SARNP: variants seen among roughly 807,000 people sequenced by gnomAD.
SARNP encodes the protein SAP domain containing ribonucleoprotein, also known as SAP domain-containing ribonucleoprotein.
Under a neutral mutation model 38.1 loss-of-function variants are expected in SARNP, and 5 were observed. That is an observed-to-expected ratio of 0.13 (90% CI 0.07 to 0.28). The LOEUF (loss-of-function observed/expected upper bound fraction) is 0.28. Among genes scored for constraint, SARNP ranks in the 10% least tolerant of loss-of-function variants. The pLI is 1.00. For missense variants in SARNP, 180 were observed against 243.9 expected, an observed-to-expected ratio of 0.74 and a Z score of 1.75; for synonymous variants, 84 against 80.6, an observed-to-expected ratio of 1.04 and a Z score of -0.23.
intron 1 of SARNP, among the ~76,000 whole-genome samples, chr12:55,807,813 CAAA>C (rs57965695): frequency 4.5e-5 from 4 of 89,704 alleles, no homozygotes; most frequent in African/African-American, 3.5e-5. Flanking sequence ...GACTTTGTCT[CAAA>C]AAAAAAAAAA....
chr12:55,801,048 G>A lies in SARNP; in HGVS notation c.137-148C>T, dbSNP rs77215495. On this transcript the variant is annotated intron_variant, in intron 2 of 10. Coordinates refer to ENST00000336133, the MANE Select transcript of SARNP (RefSeq NM_033082.4). ...ATGCACATAAAATCTGCTACATCTG[G>A]AGAAGATAAAACCAGATTTCTACCT... The A allele has an allele frequency of 3.8e-4, 253 of 670,804 alleles. 1 individual carries two copies. The African/African-American group carries it at 4.1e-3, about 11-fold the overall frequency. 41.6% of individuals were successfully genotyped at this position (670,804 alleles called of 1,614,324 possible).
intron 1 of SARNP, among the ~76,000 whole-genome samples, chr12:55,804,035 A>C (rs1012508914): frequency 2.0e-5 from 3 of 152,218 alleles, no homozygotes; most frequent in African/African-American, 7.2e-5. Flanking sequence ...TGAGGGGGGA[A>C]AAAGGTTTTT....
At chr12:55,766,651 C>T (rs1345368677) in intron 9 of SARNP, among the ~76,000 whole-genome samples, 10 of 114,396 alleles carry the variant, frequency 8.7e-5, no homozygotes, top group Non-Finnish European at 1.5e-4. Flanking sequence ...TTGAGACAGT[C>T]TCACTCTGTC....
chr12:55,806,037 CAAA>C (rs1192118341), intron 1 of SARNP, among the ~76,000 whole-genome samples: 1 of 107,738 alleles, frequency 9.3e-6, no homozygotes. Flanking sequence ...AATTCTGTCT[CAAA>C]AAAAAAAAAA....
chr12:55,763,505 G>A (rs902214458), intron 9 of SARNP, among the ~76,000 whole-genome samples: 5 of 152,124 alleles, frequency 3.3e-5, no homozygotes, highest in South Asian at 2.1e-4. Context: ...ATGGGGTTTC[G>A]CCACGTTAGC....
intron 4 of SARNP, among the ~76,000 whole-genome samples, chr12:55,797,822 G>A (rs1222762151): frequency 4.6e-5 from 7 of 152,096 alleles, no homozygotes; most frequent in Admixed American, 4.6e-4. Flanking sequence ...CTGAAATACA[G>A]AGACCCAGAA....
chr12:55,800,704 T>C, intron 3 of SARNP, 75 bp from the exon 4 acceptor site: 1 of 1,364,480 alleles, frequency 7.3e-7, no homozygotes, highest in Admixed American at 1.8e-5. Context: ...ACATCAGAAC[T>C]CCAAAATAAA....
At chr12:55,781,614 G>T (rs1185676628) in intron 9 of SARNP, among the ~76,000 whole-genome samples, 2 of 151,938 alleles carry the variant, frequency 1.3e-5, no homozygotes, top group African/African-American at 2.4e-5. Flanking sequence ...CTGTGAAGTG[G>T]TTCATCTCCT....
At position 55,804,229 on chromosome 12, in the gene SARNP, A is replaced by G. The variant is rs142900207; in HGVS notation, c.37-501T>C. Reference sequence around the variant, plus strand: ...GGTAGATGCATTAGCTAATGTGAACAATGAATTGATTAAAGGATCTGTGTC... The same window carrying G: ...GGTAGATGCATTAGCTAATGTGAACGATGAATTGATTAAAGGATCTGTGTC... On this transcript the variant is annotated intron_variant, in intron 1 of 10. Transcript: ENST00000336133. Among the ~76,000 whole-genome samples, 1,050 of 152,316 alleles carry G rather than the reference A, an allele frequency of 6.9e-3. 14 individuals are homozygous for G. Among genetic ancestry groups the G allele is most frequent in the African/African-American group, 0.024 (991 of 41,570 alleles).
At chr12:55,815,606 G>A (rs1043350276) in intron 1 of SARNP, among the ~76,000 whole-genome samples, 2 of 152,148 alleles carry the variant, frequency 1.3e-5, no homozygotes, top group African/African-American at 4.8e-5. Flanking sequence ...TGGGACTACA[G>A]GCACTTGCCA....
chr12:55,800,903 A>G lies in SARNP; in HGVS notation c.137-3T>C. 6.2e-7 allele frequency: 1 copy of G among 1,610,818 alleles called. No homozygotes were observed. The highest frequency in any genetic ancestry group is 8.5e-7 in the Non-Finnish European group (1 of 1,177,132). Reference sequence around the variant, plus strand: ...TTCTTCATTTGCCTCCTCTTCAGCTAAAGAATATTAAAATATTCAGGTCAA... The same window carrying G: ...TTCTTCATTTGCCTCCTCTTCAGCTGAAGAATATTAAAATATTCAGGTCAA... On this transcript the variant is annotated splice_region_variant and splice_polypyrimidine_tract_variant and intron_variant, in intron 2 of 10. Coordinates refer to ENST00000336133, the MANE Select transcript of SARNP (RefSeq NM_033082.4).
intron 9 of SARNP, among the ~76,000 whole-genome samples, chr12:55,783,200 GA>G (rs1879389757): frequency 2.7e-5 from 4 of 148,614 alleles, no homozygotes; most frequent in Admixed American, 2.1e-4. Context: ...GGAGGCATGG[GA>G]AACAGATAGA....
intron 5 of SARNP, among the ~76,000 whole-genome samples, chr12:55,795,805 T>C (rs971995066): frequency 6.6e-6 from 1 of 152,180 alleles, no homozygotes; most frequent in African/African-American, 2.4e-5. Flanking sequence ...GTTAAGACCA[T>C]AATATTACAT....
At chr12:55,766,691 C>T (rs1314707681) in intron 9 of SARNP, among the ~76,000 whole-genome samples, 1 of 134,934 alleles carries the variant, frequency 7.4e-6, no homozygotes, top group Non-Finnish European at 1.5e-5. Context: ...GGCTCAATGT[C>T]AGCTCACTGC....
chr12:55,780,268 TG>T (rs1879302824), intron 9 of SARNP, among the ~76,000 whole-genome samples: 1 of 152,062 alleles, frequency 6.6e-6, no homozygotes, highest in African/African-American at 2.4e-5. Context: ...CTGGCCAATA[TG>T]GTGGAACCCC....
At chr12:55,803,606 C>G (rs61956410) in intron 2 of SARNP, 23 bp downstream of exon 2, 40 of 1,463,906 alleles carry the variant, frequency 2.7e-5, no homozygotes, top group Non-Finnish European at 3.6e-5. Flanking sequence ...ACTCACATCA[C>G]TCCGCCTCCA....
chr12:55,802,808 T>C (rs1880020385), intron 2 of SARNP, among the ~76,000 whole-genome samples: 2 of 151,384 alleles, frequency 1.3e-5, no homozygotes, highest in Non-Finnish European at 2.9e-5. Context: ...GCAATAAAAT[T>C]TTCTGTCACC....
At chr12:55,816,011 T>C (rs994804544) in intron 1 of SARNP, 2 of 152,250 alleles carry the variant, frequency 1.3e-5, no homozygotes, top group African/African-American at 4.8e-5. Flanking sequence ...GAGTGCCTAA[T>C]GTTCTCTTAG....
At chr12:55,763,790 A>G (rs1249309250) in intron 9 of SARNP, among the ~76,000 whole-genome samples, 1 of 152,196 alleles carries the variant, frequency 6.6e-6, no homozygotes, top group Non-Finnish European at 1.5e-5. Flanking sequence ...GAGTAGGCAC[A>G]GCAATTAAAT....
Sources: allele counts gnomAD v4.1 joint callset (sites outside exome capture counted in the v4.1 genomes callset), GRCh38; gene constraint gnomAD v4.1.1; transcripts MANE v1.5; gene names NCBI Gene and HGNC (gene_info 2026-07-23, HGNC 2026-07-21).